Variants in MTDH observed in about 807,000 individuals in gnomAD.
MTDH encodes the protein protein LYRIC.
MTDH carries 34 observed loss-of-function variants against 72.7 expected under a neutral mutation model. The observed-to-expected ratio is 0.47, with a 90% CI of 0.36 to 0.62. The LOEUF (loss-of-function observed/expected upper bound fraction) is 0.62, where lower values mean the gene tolerates loss of function less well. Ranked by LOEUF, MTDH falls within the 20% of genes least tolerant of loss-of-function variation. The probability of loss-of-function intolerance (pLI) is 0.00; values close to 1 mark genes in which losing one functional copy is unlikely to be tolerated. For synonymous variants in MTDH, 266 were observed against 268.9 expected, an observed-to-expected ratio of 0.99 and a Z score of 0.10; for missense variants, 677 against 699.4, an observed-to-expected ratio of 0.97 and a Z score of 0.36.
In MTDH at chr8:97,644,706, T is replaced by G. The variant is rs757793797; in HGVS notation, c.200T>G (p.Leu67Arg). Residue 67 changes from leucine to arginine, a missense_variant, in exon 1 of 12, where the codon CTG becomes CGG. Physicochemically the swap from Leu to Arg is moderately radical, Grantham distance 102. Around this residue, in one of 3 missense-constraint regions of MTDH, gnomAD observed 467 missense variants for 469.1 expected, o/e 1.00. Transcript: ENST00000336273. Reference sequence around the variant, plus strand: ...CTCGGGCTGCTGCTGCTGTTTCTGCTGGGCTACGGCTGGGCCGCGGCTTGC... The same window carrying G: ...CTCGGGCTGCTGCTGCTGTTTCTGCGGGGCTACGGCTGGGCCGCGGCTTGC... ...GALGLLLLFL[L>R]GYGWAAACAG... 1.2e-6 allele frequency: 2 copies of G among 1,601,158 alleles called. No homozygotes were observed. Among genetic ancestry groups the G allele is most frequent in the Non-Finnish European group, 1.7e-6 (2 of 1,176,066 alleles).
chr8:97,683,155 C>T (rs968827961), intron 2 of MTDH, among the ~76,000 whole-genome samples: 1 of 144,070 alleles, frequency 6.9e-6, no homozygotes, highest in African/African-American at 2.6e-5. Context: ...ACCTCTGCCT[C>T]CCAGATTCAA....
At chr8:97,651,354 C>T (rs570653046) in intron 1 of MTDH, among the ~76,000 whole-genome samples, 37 of 152,322 alleles carry the variant, frequency 2.4e-4, no homozygotes, top group Admixed American at 1.7e-3. Context: ...TCACAGCCTT[C>T]TTATGCTTAG....
chr8:97,722,463 G>C lies in MTDH; in HGVS notation c.1522-416G>C, dbSNP rs568758122. Among the ~76,000 whole-genome samples, 4 of 152,070 alleles carry C rather than the reference G, an allele frequency of 2.6e-5. No homozygotes were observed. In the East Asian group the frequency reaches 5.8e-4, roughly 22 times the overall value. ...AAAAACACAAAAAAAATAGCTGGGC[G>C]TGGTGGCACACGCCTGTAGTCCCAG... On this transcript the variant is annotated intron_variant, in intron 10 of 11. Transcript: ENST00000336273.
chr8:97,707,167 T>C (rs1814387970), intron 8 of MTDH, among the ~76,000 whole-genome samples: 1 of 150,958 alleles, frequency 6.6e-6, no homozygotes, highest in Non-Finnish European at 1.5e-5. Context: ...TTTTTTTTTT[T>C]CGGAGACAGA....
chr8:97,649,507 C>A (rs936107520), intron 1 of MTDH, among the ~76,000 whole-genome samples: 1 of 152,182 alleles, frequency 6.6e-6, no homozygotes, highest in Non-Finnish European at 1.5e-5. Flanking sequence ...CATGATCTAA[C>A]CCTACCTTAG....
At chr8:97,652,820 C>T (rs942008341) in intron 1 of MTDH, among the ~76,000 whole-genome samples, 1 of 152,110 alleles carries the variant, frequency 6.6e-6, no homozygotes, top group South Asian at 2.1e-4. Context: ...TTAAGTCACT[C>T]TTTGTCAGTT....
In MTDH at chr8:97,683,432, G is replaced by A. The variant is rs917395395; in HGVS notation, c.484-3236G>A. Among the ~76,000 whole-genome samples the A allele has an allele frequency of 4.6e-5, 7 of 151,766 alleles. No homozygotes were observed. In the East Asian group the frequency reaches 5.8e-4, roughly 13 times the overall value. On this transcript the variant is annotated intron_variant, in intron 2 of 11. Transcript: ENST00000336273. ...TTTTTTTGAGACAGGGTCTCACCCC[G>A]TTACCCAGGCTGGAATACAGTGACA...
chr8:97,699,622 C>G, intron 6 of MTDH, 132 bp from the exon 7 acceptor site: 1 of 569,106 alleles, frequency 1.8e-6, no homozygotes, highest in South Asian at 2.3e-5. Context: ...AATTCTTTTT[C>G]TAATGTCTGA....
chr8:97,685,548 T>A (rs1586243864), intron 2 of MTDH, among the ~76,000 whole-genome samples: 1 of 151,800 alleles, frequency 6.6e-6, no homozygotes, highest in East Asian at 1.9e-4. Flanking sequence ...GAGCACAAGG[T>A]CAGGAGTTTG....
chr8:97,677,180 C>CAAAAA lies in MTDH; in HGVS notation c.484-9461_484-9457dup, dbSNP rs71271142. 6.6e-4 allele frequency among the ~76,000 whole-genome samples: 29 copies of CAAAAA among 44,116 alleles called. 2 individuals are homozygous for CAAAAA. The highest frequency in any genetic ancestry group is 2.8e-3 in the African/African-American group (25 of 9,016). The allele number at this position is 44,116 out of a possible 152,430, so 28.9% of individuals were successfully genotyped here. A position where few individuals can be genotyped will look rare whatever the true frequency, so the allele number is the denominator to read the frequency against. On this transcript the variant is annotated intron_variant, in intron 2 of 11. Transcript: ENST00000336273. ...CCTGGGCAACAGTAAAAGCCTGTCT[C>CAAAAA]AAAAAAAAAAAAAAAAAAAAAAAAA...
intron 1 of MTDH, 144 bp from the exon 2 acceptor site, chr8:97,660,928 T>C (rs1812151816): frequency 2.3e-6 from 1 of 425,920 alleles, no homozygotes; most frequent in African/African-American, 2.0e-5. Flanking sequence ...TATCAACTCT[T>C]AGATAACATT....
intron 10 of MTDH, among the ~76,000 whole-genome samples, chr8:97,719,962 C>A (rs981709262): frequency 6.6e-6 from 1 of 152,166 alleles, no homozygotes; most frequent in Non-Finnish European, 1.5e-5. Context: ...GACACAAAAT[C>A]TGATTTCTAA....
intron 5 of MTDH, among the ~76,000 whole-genome samples, chr8:97,690,201 G>A (rs1439012560): frequency 6.6e-6 from 1 of 152,042 alleles, no homozygotes; most frequent in Admixed American, 6.6e-5. Flanking sequence ...ATGTTGGCCA[G>A]GCTAGTCTTG....
At position 97,703,527 on chromosome 8, in the gene MTDH, A is replaced by G. The variant is rs562546204; in HGVS notation, c.1148-3099A>G. On this transcript the variant is annotated intron_variant, in intron 7 of 11. Transcript: ENST00000336273. ...GCAAGAAGTCTTAGAGACATGGCTT[A>G]TGGACGGCAATTTTCAAAATCTGGG... is the stretch of plus-strand genomic sequence containing the variant. Among the ~76,000 whole-genome samples the G allele has an allele frequency of 5.9e-5, 9 of 152,304 alleles. No individual in the cohort carries two copies. The South Asian group carries it at 1.9e-3, about 32-fold the overall frequency.
intron 6 of MTDH, among the ~76,000 whole-genome samples, chr8:97,693,271 A>C (rs908977623): frequency 6.6e-6 from 1 of 152,182 alleles, no homozygotes; most frequent in Non-Finnish European, 1.5e-5. Flanking sequence ...ATTTTGGTTA[A>C]CTTTTTGAAA....
intron 8 of MTDH, 75 bp downstream of exon 8, chr8:97,706,825 A>G: frequency 6.7e-7 from 1 of 1,486,600 alleles, no homozygotes; most frequent in South Asian, 1.4e-5. Context: ...CACGCCTATG[A>G]TTCCAGCACT....
At chr8:97,677,501 A>G (rs961949592) in intron 2 of MTDH, among the ~76,000 whole-genome samples, 8 of 151,346 alleles carry the variant, frequency 5.3e-5, no homozygotes, top group African/African-American at 1.2e-4. Flanking sequence ...AAAAAAAAAA[A>G]AAAGAAAGAA....
intron 1 of MTDH, among the ~76,000 whole-genome samples, chr8:97,646,713 AC>A (rs1489561765): frequency 2.0e-5 from 3 of 152,156 alleles, no homozygotes; most frequent in Non-Finnish European, 4.4e-5. Context: ...TAAAAGACTT[AC>A]CCCCTCATTT....
At chr8:97,650,215 CA>C (rs1247905633) in intron 1 of MTDH, among the ~76,000 whole-genome samples, 3 of 152,068 alleles carry the variant, frequency 2.0e-5, no homozygotes, top group African/African-American at 7.2e-5. Flanking sequence ...CTCAGCCTCC[CA>C]AAGTGCTGGG....
Sources: gnomAD v4.1 joint callset for allele counts (sites outside exome capture counted in the v4.1 genomes callset) on GRCh38, gnomAD v4.1.1 for gene constraint, gnomAD v4.1.1 regional missense constraint, MANE v1.5 for transcripts, NCBI Gene and HGNC (gene_info 2026-07-23, HGNC 2026-07-21) for gene names.